The following UBE2V2 variants were observed in gnomAD, a reference collection of about 807,000 sequenced individuals.
UBE2V2 encodes ubiquitin-conjugating enzyme E2 variant 2.
UBE2V2 carries 9 observed loss-of-function variants against 17.2 expected under a neutral mutation model. The observed-to-expected ratio is 0.52, with a 90% CI of 0.32 to 0.91. UBE2V2 has a LOEUF of 0.91. UBE2V2 is among the 40% of genes least tolerant of loss of function. The probability of loss-of-function intolerance (pLI) is 0.04; values close to 1 mark genes in which losing one functional copy is unlikely to be tolerated. For missense variants in UBE2V2, 133 were observed against 182.6 expected, an observed-to-expected ratio of 0.73 and a Z score of 1.56; for synonymous variants, 61 against 57.5, an observed-to-expected ratio of 1.06 and a Z score of -0.28.
At chr8:48,008,263 T>G (rs2091198624), upstream of UBE2V2, 2 of 590,640 alleles carry the variant, frequency 3.4e-6, no homozygotes, top group African/African-American at 2.0e-5. Flanking sequence ...GAGAGCGGGA[T>G]TCACAAGGGA....
intron 2 of UBE2V2, among the ~76,000 whole-genome samples, chr8:48,046,692 G>A (rs1252112887): frequency 6.6e-6 from 1 of 152,096 alleles, no homozygotes; most frequent in Non-Finnish European, 1.5e-5. Context: ...GACCCCCTGG[G>A]CTCAAACAAT....
At chr8:48,049,649 A>G (rs1320563859) in intron 2 of UBE2V2, 5 of 369,816 alleles carry the variant, frequency 1.4e-5, no homozygotes, top group Non-Finnish European at 2.4e-5. Flanking sequence ...TTAATTTTGT[A>G]AAATCTCAAT....
chr8:48,055,128 T>G lies in UBE2V2; in HGVS notation c.291+5150T>G, dbSNP rs954246421. Among the ~76,000 whole-genome samples, 5 of 152,086 alleles carry G rather than the reference T, an allele frequency of 3.3e-5. 1 individual carries two copies. The highest frequency in any genetic ancestry group is 1.3e-4 in the Admixed American group (2 of 15,252). On this transcript the variant is annotated intron_variant, in intron 3 of 3. Transcript: ENST00000523111. ...AGGTTGCCACTCTTTAAAGTGAAAGTGTTAGAGGAAGCATTTTAAATGTAC... is the reference window on the plus strand; with the variant it reads ...AGGTTGCCACTCTTTAAAGTGAAAGGGTTAGAGGAAGCATTTTAAATGTAC...
chr8:48,009,466 AT>A (rs2091212960), intron 1 of UBE2V2, among the ~76,000 whole-genome samples: 2 of 151,890 alleles, frequency 1.3e-5, no homozygotes, highest in Admixed American at 1.3e-4. Flanking sequence ...GGGTTTTGTC[AT>A]GTTGGCCAGA....
At chr8:48,024,470 CT>C (rs1481003430) in intron 1 of UBE2V2, among the ~76,000 whole-genome samples, 4 of 151,926 alleles carry the variant, frequency 2.6e-5, no homozygotes, top group Non-Finnish European at 5.9e-5. Flanking sequence ...TGGCACATGC[CT>C]GTAATCCCAG....
chr8:48,003,377 G>A, the UBE2V2 span, among the ~76,000 whole-genome samples: 1 of 152,138 alleles, frequency 6.6e-6, no homozygotes, highest in South Asian at 2.1e-4. Flanking sequence ...AAGTGGAGAA[G>A]AGTAAGCTTT....
At position 48,061,765 on chromosome 8, in the gene UBE2V2, C is replaced by T. The variant is rs1585451081; in HGVS notation, c.*937C>T. ...TAATTTCTTCTTTGGACAAGGAGTC[C>T]TAGGTATTATATTTTGAGTTTGATT... is the stretch of plus-strand genomic sequence containing the variant. On this transcript the variant is annotated 3_prime_UTR_variant, in exon 4 of 4. Transcript: ENST00000523111. 1 of 152,080 alleles carries T rather than the reference C, an allele frequency of 6.6e-6. No homozygotes were observed. Among genetic ancestry groups the T allele is most frequent in the African/African-American group, 2.4e-5 (1 of 41,496 alleles). 9.4% of individuals were successfully genotyped at this position (152,080 alleles called of 1,614,324 possible).
chr8:48,024,912 T>C (rs1190660440), intron 1 of UBE2V2, among the ~76,000 whole-genome samples: 1 of 151,972 alleles, frequency 6.6e-6, no homozygotes, highest in African/African-American at 2.4e-5. Flanking sequence ...GGTAAATACA[T>C]ATATATTATT....
chr8:48,022,500 T>C (rs1021316748), intron 1 of UBE2V2, among the ~76,000 whole-genome samples: 1 of 152,216 alleles, frequency 6.6e-6, no homozygotes, highest in Non-Finnish European at 1.5e-5. Flanking sequence ...GTTTTGTCTT[T>C]TAACCTTCCT....
intron 1 of UBE2V2, among the ~76,000 whole-genome samples, chr8:48,037,470 GA>G (rs1356541688): frequency 1.3e-5 from 2 of 152,246 alleles, no homozygotes; most frequent in Non-Finnish European, 2.9e-5. Flanking sequence ...GTATACCACT[GA>G]TACAGTTTAG....
At chr8:48,010,407 T>TG (rs1275673493) in intron 1 of UBE2V2, among the ~76,000 whole-genome samples, 1 of 149,906 alleles carries the variant, frequency 6.7e-6, no homozygotes, top group Non-Finnish European at 1.5e-5. Flanking sequence ...TAGTTTTTTT[T>TG]TTTTTTTTTT....
chr8:48,029,253 C>G (rs1344691854), intron 1 of UBE2V2, among the ~76,000 whole-genome samples: 2 of 152,004 alleles, frequency 1.3e-5, no homozygotes, highest in African/African-American at 4.8e-5. Flanking sequence ...CACTTGTGCC[C>G]AGAAGTTCGA....
At chr8:48,038,899 G>A (rs1027703535) in intron 1 of UBE2V2, among the ~76,000 whole-genome samples, 8 of 150,908 alleles carry the variant, frequency 5.3e-5, no homozygotes, top group Non-Finnish European at 1.0e-4. Context: ...TTACAGGCAT[G>A]AGCCACCACA....
At chr8:48,052,253 T>G (rs997196305) in intron 3 of UBE2V2, among the ~76,000 whole-genome samples, 3 of 152,248 alleles carry the variant, frequency 2.0e-5, no homozygotes, top group East Asian at 3.8e-4. Flanking sequence ...CACACAGCAT[T>G]GCCTTTATGA....
intron 1 of UBE2V2, 137 bp downstream of exon 1, chr8:48,008,607 G>T (rs1035159087): frequency 2.3e-6 from 3 of 1,323,164 alleles, no homozygotes; most frequent in Non-Finnish European, 3.0e-6. Flanking sequence ...TCCGCAGAGC[G>T]TAGCCTGGGA....
chr8:48,037,054 C>G (rs1479532591), intron 1 of UBE2V2, among the ~76,000 whole-genome samples: 1 of 152,194 alleles, frequency 6.6e-6, no homozygotes, highest in Non-Finnish European at 1.5e-5. Flanking sequence ...TGGCAGGCAC[C>G]TGTAATCCCA....
chr8:48,025,216 C>G, intron 1 of UBE2V2, among the ~76,000 whole-genome samples: 1 of 151,812 alleles, frequency 6.6e-6, no homozygotes, highest in East Asian at 1.9e-4. Flanking sequence ...GGATTACAGG[C>G]GTGAGCCACC....
At position 48,061,238 on chromosome 8, in the gene UBE2V2, A is replaced by G. The variant is rs1398204216; in HGVS notation, c.*410A>G. On this transcript the variant is annotated 3_prime_UTR_variant, in exon 4 of 4. Transcript: ENST00000523111. ...GAGCTGCAGTTGAAATTGTTTAAAA[A>G]GTAGCAGGTACAATGAATATTGTCA... The G allele has an allele frequency of 6.5e-6, 1 of 152,816 alleles. No individual in the cohort carries two copies. Among genetic ancestry groups the G allele is most frequent in the African/African-American group, 2.4e-5 (1 of 41,488 alleles). The allele number at this position is 152,816 out of a possible 1,614,324, so 9.5% of individuals were successfully genotyped here.
rs764928628 is a variant in UBE2V2 at position 48,008,448 on chromosome 8, G to A, written c.-7G>A. On this transcript the variant is annotated 5_prime_UTR_variant, in exon 1 of 4. Coordinates refer to ENST00000523111, the MANE Select transcript of UBE2V2 (RefSeq NM_003350.3). ...GTGCGGGCGGCTGCGTCGGGCTGCA[G>A]GAGAAGATGGCGGTCTCCACAGGTC... The A allele has an allele frequency of 4.4e-5, 69 of 1,566,694 alleles. No homozygotes were observed. The South Asian group carries it at 7.1e-4, about 16-fold the overall frequency.
Sources: allele counts gnomAD v4.1 joint callset (sites outside exome capture counted in the v4.1 genomes callset), GRCh38; gene constraint gnomAD v4.1.1; transcripts MANE v1.5; gene names NCBI Gene and HGNC (gene_info 2026-07-23, HGNC 2026-07-21).